The following AGAP1 variants were observed in gnomAD, a reference collection of about 807,000 sequenced individuals.
The protein encoded by AGAP1 is ArfGAP with GTPase domain, ankyrin repeat and PH domain 1, also known as arf-GAP with GTPase, ANK repeat and PH domain-containing protein 1.
In AGAP1, 29 loss-of-function variants were observed where a neutral mutation model predicts 105.3. The ratio of observed to expected loss-of-function variants is 0.28; its 90% CI spans 0.21 to 0.38. The LOEUF (loss-of-function observed/expected upper bound fraction) is 0.38, where lower values mean the gene tolerates loss of function less well. Among genes scored for constraint, AGAP1 ranks in the 10% least tolerant of loss-of-function variants. AGAP1 has a pLI of 1.00. For synonymous variants in AGAP1, 509 were observed against 485.9 expected (o/e 1.05, Z -0.63); for missense variants, 998 against 1,165.1 (o/e 0.86, Z 2.09).
At chr2:235,525,059 G>A (rs1942776705) in intron 1 of AGAP1, among the ~76,000 whole-genome samples, 1 of 152,200 alleles carries the variant, frequency 6.6e-6, no homozygotes, top group Non-Finnish European at 1.5e-5. Flanking sequence ...TAGTACATGA[G>A]GCAGGCGTGA....
In AGAP1 at chr2:235,535,143, C is replaced by T. The variant is rs937844271; in HGVS notation, c.163+40294C>T. Among the ~76,000 whole-genome samples, 1 of 152,126 alleles carries T rather than the reference C, an allele frequency of 6.6e-6. No individual in the cohort carries two copies. The highest frequency in any genetic ancestry group is 6.5e-5 in the Admixed American group (1 of 15,282). ...CAATACTTATCCGCAGGGGTGTGTG[C>T]CAGGCAGCCCAGGTCAGCCTCCCTC... On this transcript the variant is annotated intron_variant, in intron 1 of 17. Transcript: ENST00000304032. The surrounding 1 kb of genome is among the most constrained non-coding windows in gnomAD (Gnocchi z 5.1).
intron 1 of AGAP1, among the ~76,000 whole-genome samples, chr2:235,636,378 G>A (rs1007419185): frequency 1.5e-4 from 23 of 152,214 alleles, no homozygotes; most frequent in East Asian, 7.7e-4. Flanking sequence ...CTCAGGGAGC[G>A]TTTGTGGGAT....
Position 235,555,211 on chromosome 2 carries a change from C to T in AGAP1, c.163+60362C>T, listed in dbSNP as rs1248356081. 1.3e-5 allele frequency among the ~76,000 whole-genome samples: 2 copies of T among 152,200 alleles called. No homozygotes were observed. Among genetic ancestry groups the T allele is most frequent in the Non-Finnish European group, 2.9e-5 (2 of 68,038 alleles). On this transcript the variant is annotated intron_variant, in intron 1 of 17. Transcript: ENST00000304032. The surrounding 1 kb of genome is among the most constrained non-coding windows in gnomAD (Gnocchi z 5.1). ...TAAAGGAGCCAGAGGCTTGCCCGCC[C>T]TGCAGTGCCATCCTTCTTGCCGCTC...
At position 235,662,676 on chromosome 2, in the gene AGAP1, T is replaced by C. The variant is rs919878195; in HGVS notation, c.164-46503T>C. ...TGTGTGCCACCACACCTGGCCGAAG[T>C]TGGTGATTTTGAACAGAGGAAAGAT... On this transcript the variant is annotated intron_variant, in intron 1 of 17. Coordinates refer to ENST00000304032, the MANE Select transcript of AGAP1 (RefSeq NM_001037131.3). The surrounding 1 kb of genome is among the most constrained non-coding windows in gnomAD (Gnocchi z 4.2). 6.6e-6 allele frequency among the ~76,000 whole-genome samples: 1 copy of C among 151,832 alleles called. No individual in the cohort carries two copies. Among genetic ancestry groups the C allele is most frequent in the African/African-American group, 2.4e-5 (1 of 41,294 alleles).
intron 11 of AGAP1, among the ~76,000 whole-genome samples, chr2:235,914,464 AGGGCCATATG>A (rs1670292121): frequency 1.3e-5 from 2 of 151,958 alleles, no homozygotes; most frequent in African/African-American, 4.8e-5. Flanking sequence ...TAAGTGCTGA[AGGGCCATATG>A]GGGCAATTGA....
Position 235,874,863 on chromosome 2 carries a change from G to A in AGAP1, c.1051-8482G>A, listed in dbSNP as rs981165789. ...CACACGCTCATGGATCAAGGCAGAG[G>A]ATGAGTTTAAAAACTGGTACTAAAA... On this transcript the variant is annotated intron_variant, in intron 9 of 17. Transcript: ENST00000304032. The surrounding 1 kb of genome is among the most constrained non-coding windows in gnomAD (Gnocchi z 4.5). Among the ~76,000 whole-genome samples the A allele has an allele frequency of 7.2e-5, 11 of 152,192 alleles. No individual in the cohort carries two copies. The highest frequency in any genetic ancestry group is 2.7e-4 in the African/African-American group (11 of 41,448).
intron 13 of AGAP1, among the ~76,000 whole-genome samples, chr2:236,019,091 C>G (rs149186825): frequency 5.8e-4 from 88 of 152,334 alleles, no homozygotes; most frequent in African/African-American, 2.0e-3. Flanking sequence ...CTCCAACACT[C>G]GTTTTCTTGG....
chr2:235,837,606 G>C (rs901283706), intron 9 of AGAP1, among the ~76,000 whole-genome samples: 1 of 152,098 alleles, frequency 6.6e-6, no homozygotes, highest in Non-Finnish European at 1.5e-5. Flanking sequence ...CAGGGTTGTT[G>C]GTGGATTAAT....
chr2:235,973,674 G>A lies in AGAP1; in HGVS notation c.1645+5051G>A, dbSNP rs550380621. Among the ~76,000 whole-genome samples the A allele has an allele frequency of 2.6e-5, 4 of 152,328 alleles. No individual in the cohort carries two copies. The highest frequency in any genetic ancestry group is 9.6e-5 in the African/African-American group (4 of 41,582). On this transcript the variant is annotated intron_variant, in intron 13 of 17. Coordinates refer to ENST00000304032, the MANE Select transcript of AGAP1 (RefSeq NM_001037131.3). The surrounding 1 kb of genome is among the most constrained non-coding windows in gnomAD (Gnocchi z 4.7). ...CCTGGATGGCCCAGGTGGTAACCAT[G>A]GGACCTGATGGGTGGAAGCCTCAAG... is the stretch of plus-strand genomic sequence containing the variant.
rs140534019 is a variant in AGAP1, at chr2:235,898,251, C to T, written c.1156-10487C>T. 7.3e-3 allele frequency among the ~76,000 whole-genome samples: 1,107 copies of T among 152,302 alleles called. 5 individuals are homozygous for T. The highest frequency in any genetic ancestry group is 0.017 in the Middle Eastern group (5 of 294). ...TTGCTGCAGGGTGCTACATGTTCTGCCTTTGAACTCAATAAGCAAAGGGAA... is the reference window on the plus strand; with the variant it reads ...TTGCTGCAGGGTGCTACATGTTCTGTCTTTGAACTCAATAAGCAAAGGGAA... On this transcript the variant is annotated intron_variant, in intron 10 of 17. Transcript: ENST00000304032.
At chr2:235,533,120 A>G (rs1365889717) in intron 1 of AGAP1, among the ~76,000 whole-genome samples, 4 of 152,158 alleles carry the variant, frequency 2.6e-5, no homozygotes, top group Non-Finnish European at 4.4e-5. Context: ...TTGAGTTAGG[A>G]GCATCGCGGA....
intron 1 of AGAP1, among the ~76,000 whole-genome samples, chr2:235,637,688 AG>A (rs1372998146): frequency 1.1e-4 from 17 of 152,142 alleles, no homozygotes; most frequent in African/African-American, 4.1e-4. Flanking sequence ...TATGGAAGAA[AG>A]TGAGTGTTGC....
rs1337139640 is a variant in AGAP1, at chr2:235,674,751, C to T, written c.164-34428C>T. Among the ~76,000 whole-genome samples, 8 of 146,466 alleles carry T rather than the reference C, an allele frequency of 5.5e-5. No individual in the cohort carries two copies. The South Asian group carries it at 8.6e-4, about 16-fold the overall frequency. On this transcript the variant is annotated intron_variant, in intron 1 of 17. Coordinates refer to ENST00000304032, the MANE Select transcript of AGAP1 (RefSeq NM_001037131.3). ...TGTTGCCAGGCTGGAGTGCAGTGAG[C>T]GATCTCAGCTCACTGCAACCTCCCC...
chr2:236,043,006 G>A (rs975391332), intron 15 of AGAP1, among the ~76,000 whole-genome samples: 11 of 152,224 alleles, frequency 7.2e-5, no homozygotes, highest in African/African-American at 2.7e-4. Context: ...TGAGGTCACA[G>A]AAATAGCAAG....
intron 16 of AGAP1, among the ~76,000 whole-genome samples, chr2:236,081,020 T>G (rs1559256356): frequency 1.3e-5 from 2 of 152,200 alleles, no homozygotes; most frequent in Non-Finnish European, 2.9e-5. Flanking sequence ...TTGACATCTT[T>G]GGGAGCCATT....
chr2:235,666,980 A>T (rs1451216218), intron 1 of AGAP1, among the ~76,000 whole-genome samples: 2 of 152,056 alleles, frequency 1.3e-5, no homozygotes, highest in Non-Finnish European at 2.9e-5. Flanking sequence ...AGTAGCAGAG[A>T]TCTCTATCTT....
intron 1 of AGAP1, among the ~76,000 whole-genome samples, chr2:235,641,922 CA>C (rs1157787496): frequency 6.6e-6 from 1 of 152,200 alleles, no homozygotes; most frequent in Non-Finnish European, 1.5e-5. Context: ...ATCATTTGAA[CA>C]GTGGCACAAG....
Position 235,813,127 on chromosome 2 carries a change from T to C in AGAP1, c.1050+5796T>C, listed in dbSNP as rs1489947350. ...TCCAGAATATCTGGAGGCCTACACG[T>C]GAAATGACAGTCATCCGTCTTTGAG... On this transcript the variant is annotated intron_variant, in intron 9 of 17. Coordinates refer to ENST00000304032, the MANE Select transcript of AGAP1 (RefSeq NM_001037131.3). Among the ~76,000 whole-genome samples the C allele has an allele frequency of 2.0e-5, 3 of 152,188 alleles. No homozygotes were observed. The South Asian group carries it at 6.2e-4, about 31-fold the overall frequency.
intron 13 of AGAP1, among the ~76,000 whole-genome samples, chr2:235,987,835 T>TA (rs1322792483): frequency 6.6e-6 from 1 of 152,184 alleles, no homozygotes; most frequent in Non-Finnish European, 1.5e-5. Flanking sequence ...ATTCTTCTCT[T>TA]ACATCATTCT....
Sources: gnomAD v4.1 joint callset for allele counts (sites outside exome capture counted in the v4.1 genomes callset) on GRCh38, gnomAD v4.1.1 for gene constraint, Gnocchi (gnomAD v3.1) non-coding constraint, MANE v1.5 for transcripts, NCBI Gene and HGNC (gene_info 2026-07-23, HGNC 2026-07-21) for gene names.